Variants in SLC14A2 observed in about 807,000 individuals in gnomAD.
The protein encoded by SLC14A2 is urea transporter 2.
Under a neutral mutation model 104.6 loss-of-function variants are expected in SLC14A2, and 91 were observed. The ratio of observed to expected loss-of-function variants is 0.87; its 90% CI spans 0.73 to 1.04. The LOEUF is 1.04. Among genes scored for constraint, SLC14A2 ranks in the 50% least tolerant of loss-of-function variants. The pLI is 0.00. For synonymous variants in SLC14A2, 476 were observed against 466.4 expected (o/e 1.02, Z -0.27); for missense variants, 1,189 against 1,156.0 (o/e 1.03, Z -0.41).
At chr18:45,415,778 G>T (rs1328371579) in intron 1 of SLC14A2, among the ~76,000 whole-genome samples, 2 of 152,078 alleles carry the variant, frequency 1.3e-5, no homozygotes, top group Non-Finnish European at 2.9e-5. Flanking sequence ...ATATCACAGC[G>T]ATCTTAACAT....
Position 45,545,930 on chromosome 18 carries a change from C to T in SLC14A2, c.-35+62608C>T, listed in dbSNP as rs537170255. ...AAGTTGTTAGGACATAAGTATTCCTCGTTTATTTGCACTCATATACTTAAT... is the reference window on the plus strand; with the variant it reads ...AAGTTGTTAGGACATAAGTATTCCTTGTTTATTTGCACTCATATACTTAAT... On this transcript the variant is annotated intron_variant, in intron 2 of 20. Transcript: ENST00000586448. 3.9e-5 allele frequency among the ~76,000 whole-genome samples: 6 copies of T among 152,236 alleles called. No homozygotes were observed. The East Asian group carries it at 5.8e-4, about 15-fold the overall frequency.
At chr18:45,432,030 G>C (rs1160192930) in intron 1 of SLC14A2, among the ~76,000 whole-genome samples, 1 of 152,168 alleles carries the variant, frequency 6.6e-6, no homozygotes, top group Non-Finnish European at 1.5e-5. Flanking sequence ...AGAGGGAGAT[G>C]AAAACTGAGC....
intron 1 of SLC14A2, among the ~76,000 whole-genome samples, chr18:45,336,563 C>T (rs1393317743): frequency 1.3e-5 from 2 of 152,162 alleles, no homozygotes; most frequent in Non-Finnish European, 2.9e-5. Flanking sequence ...AGTTTTCCCC[C>T]TGGATCTTGC....
intron 2 of SLC14A2, among the ~76,000 whole-genome samples, chr18:45,556,166 A>G (rs2044130658): frequency 6.6e-6 from 1 of 152,154 alleles, no homozygotes; most frequent in African/African-American, 2.4e-5. Context: ...TCCCTCTCAT[A>G]AGGACAGTCA....
intron 1 of SLC14A2, among the ~76,000 whole-genome samples, chr18:45,468,487 T>C (rs1030384795): frequency 4.6e-5 from 7 of 151,958 alleles, no homozygotes; most frequent in Non-Finnish European, 7.4e-5. Flanking sequence ...TGACCTCCCT[T>C]GTGCCAGTGA....
At chr18:45,225,738 T>C (rs1435776093) in intron 1 of SLC14A2, among the ~76,000 whole-genome samples, 3 of 152,192 alleles carry the variant, frequency 2.0e-5, no homozygotes, top group Non-Finnish European at 4.4e-5. Context: ...GGTATTTTAT[T>C]CTCTTTGAAG....
intron 5 of SLC14A2, chr18:45,635,011 G>A: frequency 3.0e-6 from 1 of 329,976 alleles, no homozygotes; most frequent in South Asian, 2.4e-5. Context: ...AACTTGTTGG[G>A]AGGTTGTGGA....
At chr18:45,584,232 G>T (rs1316849948) in intron 2 of SLC14A2, among the ~76,000 whole-genome samples, 1 of 152,134 alleles carries the variant, frequency 6.6e-6, no homozygotes, top group East Asian at 1.9e-4. Flanking sequence ...TTTTCAGATG[G>T]TGTTGCATTT....
intron 1 of SLC14A2, among the ~76,000 whole-genome samples, chr18:45,398,951 C>T (rs545007616): frequency 6.6e-5 from 10 of 152,114 alleles, no homozygotes; most frequent in Non-Finnish European, 1.0e-4. Context: ...TGTCATCGAA[C>T]GAACATTTAA....
intron 4 of SLC14A2, among the ~76,000 whole-genome samples, chr18:45,628,380 G>T (rs149403408): frequency 3.6e-4 from 54 of 151,602 alleles, no homozygotes; most frequent in African/African-American, 1.3e-3. Context: ...GGAGGCGGAG[G>T]TTGCAGTTAG....
the SLC14A2 span, among the ~76,000 whole-genome samples, chr18:45,183,820 C>T: frequency 6.6e-6 from 1 of 151,448 alleles, no homozygotes; most frequent in Non-Finnish European, 1.5e-5. Context: ...ACTGCAGCAT[C>T]CAACTCCTGG....
chr18:45,673,622 G>A, intron 17 of SLC14A2, 61 bp from the exon 18 acceptor site: 3 of 1,573,144 alleles, frequency 1.9e-6, no homozygotes, highest in Non-Finnish European at 2.6e-6. Context: ...TAGGTTTCAG[G>A]GCCAGCAGAT....
chr18:45,216,781 A>G (rs1250577736), intron 1 of SLC14A2, among the ~76,000 whole-genome samples: 4 of 152,176 alleles, frequency 2.6e-5, no homozygotes, highest in African/African-American at 9.7e-5. Flanking sequence ...TGTTTCGGTC[A>G]ACTTATTTCC....
intron 12 of SLC14A2, 86 bp from the exon 13 acceptor site, chr18:45,666,849 T>C: frequency 9.3e-7 from 1 of 1,079,352 alleles, no homozygotes; most frequent in East Asian, 2.4e-5. Context: ...ACAATCTTAT[T>C]TGGTCCCTGA....
intron 1 of SLC14A2, among the ~76,000 whole-genome samples, chr18:45,414,757 A>AAAAATATATATATATATATAT (rs1360051908): frequency 1.1e-4 from 8 of 76,078 alleles, no homozygotes; most frequent in African/African-American, 4.6e-4. Context: ...AAAAAAAAAA[A>AAAAATATATATATATATATAT]ATATATATAT....
chr18:45,293,031 C>G (rs1051182134), intron 1 of SLC14A2, among the ~76,000 whole-genome samples: 1 of 152,082 alleles, frequency 6.6e-6, no homozygotes, highest in Non-Finnish European at 1.5e-5. Flanking sequence ...TCCATGCTTT[C>G]CAGATTCAGG....
chr18:45,203,189 A>AG, the SLC14A2 span, among the ~76,000 whole-genome samples: 1 of 152,210 alleles, frequency 6.6e-6, no homozygotes, highest in Non-Finnish European at 1.5e-5. Context: ...TGAGGGACTA[A>AG]GGAGTGGGGA....
At position 45,516,368 on chromosome 18, in the gene SLC14A2, C is replaced by G. The variant is rs148799809; in HGVS notation, c.-35+33046C>G. On this transcript the variant is annotated intron_variant, in intron 2 of 20. Transcript: ENST00000586448. The stretch of plus-strand genomic sequence containing the variant: ...ACCTTGGTCCCCCTCCCAAATTTGC[C>G]GCTAAAATAAGTGTGTGAACCTGGC... Among the ~76,000 whole-genome samples, 396 of 152,218 alleles carry G rather than the reference C, an allele frequency of 2.6e-3. 2 individuals are homozygous for G. The highest frequency in any genetic ancestry group is 9.0e-3 in the African/African-American group (375 of 41,534).
At chr18:45,210,098 C>T (rs1054453386), upstream of SLC14A2, among the ~76,000 whole-genome samples, 1 of 152,244 alleles carries the variant, frequency 6.6e-6, no homozygotes. Flanking sequence ...CATGGTCGCT[C>T]GAGCCCAGGG....
Sources: gnomAD v4.1 joint callset for allele counts (sites outside exome capture counted in the v4.1 genomes callset) on GRCh38, gnomAD v4.1.1 for gene constraint, MANE v1.5 for transcripts, NCBI Gene and HGNC (gene_info 2026-07-23, HGNC 2026-07-21) for gene names.